Variants in OPRM1 observed in about 807,000 individuals in gnomAD.
The protein encoded by OPRM1 is mu-type opioid receptor.
OPRM1 carries 27 observed loss-of-function variants against 31.8 expected under a neutral mutation model. The ratio of observed to expected loss-of-function variants is 0.85; its 90% CI spans 0.63 to 1.17. The LOEUF (loss-of-function observed/expected upper bound fraction) is 1.17. Among genes scored for constraint, OPRM1 ranks in the 50% most tolerant of loss-of-function variants. OPRM1 has a pLI of 0.00. For missense variants in OPRM1, 536 were observed against 511.1 expected (o/e 1.05, Z -0.47); for synonymous variants, 196 against 189.9 (o/e 1.03, Z -0.26).
At chr6:154,178,847 C>A (rs1173311751) in intron 3 of OPRM1, among the ~76,000 whole-genome samples, 1 of 152,168 alleles carries the variant, frequency 6.6e-6, no homozygotes, top group African/African-American at 2.4e-5. Context: ...TCAGAGAAAG[C>A]CTGGAACTGA....
chr6:154,188,852 A>G lies in OPRM1; in HGVS notation c.1165-57841A>G, dbSNP rs112079003. On this transcript the variant is annotated intron_variant, in intron 3 of 3. Coordinates refer to the OPRM1 transcript ENST00000337049. ...TTGTATCTCATTCATGGAACACATC[A>G]AAATAATTCCAAGTGGACTAACGTT... Among the ~76,000 whole-genome samples the G allele has an allele frequency of 5.4e-3, 829 of 152,338 alleles. 4 individuals are homozygous for G. Among genetic ancestry groups the G allele is most frequent in the Non-Finnish European group, 8.3e-3 (564 of 68,028 alleles).
intron 3 of OPRM1, chr6:154,154,761 A>G (rs1467443866): frequency 6.6e-6 from 1 of 152,592 alleles, no homozygotes; most frequent in African/African-American, 2.4e-5. Context: ...GTCAACCTCA[A>G]AAACATAAAG....
At chr6:154,180,139 G>T (rs747939341) in intron 3 of OPRM1, among the ~76,000 whole-genome samples, 2 of 152,160 alleles carry the variant, frequency 1.3e-5, no homozygotes, top group Admixed American at 1.3e-4. Context: ...GAGAATGAAA[G>T]AAAATTTGGC....
At chr6:154,101,560 A>G (rs565207080) in intron 3 of OPRM1, among the ~76,000 whole-genome samples, 22 of 152,320 alleles carry the variant, frequency 1.4e-4, no homozygotes, top group African/African-American at 5.1e-4. Context: ...GCAAATATCA[A>G]CGTCTAAATC....
At chr6:154,143,121 T>C (rs1798264829) in intron 3 of OPRM1, among the ~76,000 whole-genome samples, 1 of 152,202 alleles carries the variant, frequency 6.6e-6, no homozygotes, top group Admixed American at 6.5e-5. Context: ...GACATACATA[T>C]ATGCACATAA....
At chr6:154,163,999 A>G (rs756564241) in intron 3 of OPRM1, among the ~76,000 whole-genome samples, 1 of 152,214 alleles carries the variant, frequency 6.6e-6, no homozygotes, top group Non-Finnish European at 1.5e-5. Context: ...CTGAGTTTTC[A>G]ATATCTATGC....
chr6:154,038,327 A>G (rs922299486), upstream of OPRM1, among the ~76,000 whole-genome samples: 2 of 151,512 alleles, frequency 1.3e-5, no homozygotes, highest in Non-Finnish European at 1.5e-5. Flanking sequence ...TTAACTTTAG[A>G]AAAAAAAAGA....
At chr6:154,103,008 GA>G (rs1169877990) in intron 3 of OPRM1, among the ~76,000 whole-genome samples, 1 of 148,694 alleles carries the variant, frequency 6.7e-6, no homozygotes, top group Non-Finnish European at 1.5e-5. Context: ...GCTTCTTTTA[GA>G]AAAAAAATGA....
At chr6:154,234,068 C>T (rs1779926970) in intron 3 of OPRM1, among the ~76,000 whole-genome samples, 1 of 152,106 alleles carries the variant, frequency 6.6e-6, no homozygotes, top group Non-Finnish European at 1.5e-5. Flanking sequence ...ATTAGCAAAG[C>T]ACAACTATGT....
chr6:154,053,055 C>T (rs924989005), intron 1 of OPRM1, among the ~76,000 whole-genome samples: 1 of 152,176 alleles, frequency 6.6e-6, no homozygotes, highest in Non-Finnish European at 1.5e-5. Context: ...ACCCCCAACC[C>T]TTTATTTGAC....
chr6:154,119,877 C>A lies in OPRM1; in HGVS notation c.*1156C>A, dbSNP rs1205391604. ...GATTGTGTTTATATAATGTCATCAC[C>A]AATATTTTGGTCTTTTTGATCTCTG... On this transcript the variant is annotated 3_prime_UTR_variant, in exon 4 of 4. Transcript: ENST00000330432. Among the ~76,000 whole-genome samples the A allele has an allele frequency of 6.6e-6, 1 of 152,134 alleles. No individual in the cohort carries two copies. The highest frequency in any genetic ancestry group is 1.5e-5 in the Non-Finnish European group (1 of 68,030).
intron 1 of OPRM1, among the ~76,000 whole-genome samples, chr6:154,085,070 A>G (rs1412557363): frequency 6.6e-6 from 1 of 152,234 alleles, no homozygotes; most frequent in Non-Finnish European, 1.5e-5. Flanking sequence ...AGAAGTTTAC[A>G]AAACCCATCA....
At chr6:154,142,520 C>T (rs548123100) in intron 3 of OPRM1, among the ~76,000 whole-genome samples, 115 of 152,142 alleles carry the variant, frequency 7.6e-4, no homozygotes, top group African/African-American at 2.4e-3. Context: ...AGCATGCAGG[C>T]GGCTCTCCCT....
intron 3 of OPRM1, among the ~76,000 whole-genome samples, chr6:154,113,103 C>T (rs1216449507): frequency 6.6e-6 from 1 of 152,236 alleles, no homozygotes; most frequent in African/African-American, 2.4e-5. Context: ...TTCAGCCAGA[C>T]TGTAGTCTAA....
intron 1 of OPRM1, among the ~76,000 whole-genome samples, chr6:154,043,028 G>A (rs376031253): frequency 1.3e-5 from 2 of 152,084 alleles, no homozygotes; most frequent in Non-Finnish European, 2.9e-5. Context: ...ACCCATAACT[G>A]CAAAAACTAA....
At chr6:154,200,968 T>A (rs193036803) in intron 3 of OPRM1, among the ~76,000 whole-genome samples, 11 of 152,290 alleles carry the variant, frequency 7.2e-5, no homozygotes, top group Admixed American at 5.2e-4. Context: ...GATTGGATCA[T>A]GGGGGTGGTT....
chr6:154,087,474 T>G (rs1790876354), intron 1 of OPRM1: 1 of 985,346 alleles, frequency 1.0e-6, no homozygotes, highest in African/African-American at 1.7e-5. Flanking sequence ...GGGCCTGGCT[T>G]CAGGTGTGGG....
intron 3 of OPRM1, among the ~76,000 whole-genome samples, chr6:154,190,935 A>C (rs9479787): frequency 0.09 from 13,649 of 152,188 alleles, 892 homozygotes; most frequent in African/African-American, 0.18. Context: ...AGGTACCTAT[A>C]GTCCCAGCTA....
chr6:154,221,601 C>T (rs1562550543), intron 3 of OPRM1, among the ~76,000 whole-genome samples: 1 of 152,090 alleles, frequency 6.6e-6, no homozygotes, highest in African/African-American at 2.4e-5. Flanking sequence ...TGGCCGGGCA[C>T]GGTGGCTCAC....
Sources: allele counts gnomAD v4.1 joint callset (sites outside exome capture counted in the v4.1 genomes callset), GRCh38; gene constraint gnomAD v4.1.1; transcripts MANE v1.5; gene names NCBI Gene and HGNC (gene_info 2026-07-23, HGNC 2026-07-21).